The following CTNND2 variants were observed in gnomAD, a reference collection of about 807,000 sequenced individuals.
The protein encoded by CTNND2 is catenin delta 2, also known as catenin delta-2.
In CTNND2, 22 loss-of-function variants were observed where a neutral mutation model predicts 144.4. The observed-to-expected ratio is 0.15, with a 90% CI of 0.11 to 0.22. The LOEUF (loss-of-function observed/expected upper bound fraction) is 0.22. Among genes scored for constraint, CTNND2 ranks in the 10% least tolerant of loss-of-function variants. The pLI, the probability that CTNND2 is intolerant of heterozygous loss-of-function variation, is 1.00. For missense variants in CTNND2, 1,353 were observed against 1,618.8 expected, an observed-to-expected ratio of 0.84 and a Z score of 2.82; for synonymous variants, 751 against 695.6, an observed-to-expected ratio of 1.08 and a Z score of -1.25.
intron 17 of CTNND2, among the ~76,000 whole-genome samples, chr5:11,020,163 C>T (rs1196110432): frequency 1.3e-5 from 2 of 152,054 alleles, no homozygotes; most frequent in African/African-American, 2.4e-5. Context: ...GTGAGTTGTG[C>T]AGTTCTGATA....
intron 3 of CTNND2, among the ~76,000 whole-genome samples, chr5:11,554,176 T>C (rs1776016561): frequency 1.3e-5 from 2 of 152,186 alleles, no homozygotes; most frequent in African/African-American, 2.4e-5. Flanking sequence ...TGAAGGTAAT[T>C]ATACTAATGA....
chr5:11,244,089 T>C (rs909138655), intron 9 of CTNND2, among the ~76,000 whole-genome samples: 1 of 152,154 alleles, frequency 6.6e-6, no homozygotes, highest in South Asian at 2.1e-4. Context: ...TTTGGGCTTA[T>C]TGATGTAGTT....
At chr5:11,342,695 T>C (rs1312142241) in intron 9 of CTNND2, among the ~76,000 whole-genome samples, 1 of 152,234 alleles carries the variant, frequency 6.6e-6, no homozygotes, top group Non-Finnish European at 1.5e-5. Context: ...AAGACAGTTA[T>C]AATACCCTTA....
intron 2 of CTNND2, among the ~76,000 whole-genome samples, chr5:11,628,617 G>C (rs921963073): frequency 6.6e-6 from 1 of 152,112 alleles, no homozygotes; most frequent in African/African-American, 2.4e-5. Context: ...AAGCCGTCTG[G>C]GAGTTACTTG....
At chr5:11,652,857 G>A (rs1782713790) in intron 2 of CTNND2, among the ~76,000 whole-genome samples, 1 of 152,000 alleles carries the variant, frequency 6.6e-6, no homozygotes, top group Non-Finnish European at 1.5e-5. Context: ...TTTACTCTTT[G>A]ACCTATATCT....
intron 1 of CTNND2, among the ~76,000 whole-genome samples, chr5:11,841,216 A>G (rs1195080714): frequency 1.3e-5 from 2 of 152,208 alleles, no homozygotes; most frequent in Non-Finnish European, 2.9e-5. Context: ...AATCCATTTT[A>G]GAGACACTTT....
chr5:11,094,525 G>T (rs1751136544), intron 15 of CTNND2, among the ~76,000 whole-genome samples: 1 of 149,286 alleles, frequency 6.7e-6, no homozygotes, highest in South Asian at 2.1e-4. Flanking sequence ...CTGTCACCAG[G>T]CTGGAGTGCA....
intron 10 of CTNND2, among the ~76,000 whole-genome samples, chr5:11,207,204 G>A (rs1400466139): frequency 2.0e-5 from 3 of 152,048 alleles, no homozygotes; most frequent in Non-Finnish European, 4.4e-5. Flanking sequence ...CATCGACACA[G>A]GGAGGGGAAC....
chr5:11,308,224 C>CTT (rs57613248), intron 9 of CTNND2, among the ~76,000 whole-genome samples: 2,221 of 145,718 alleles, frequency 0.015, 60 homozygotes, highest in African/African-American at 0.052. Context: ...ATTATAATTA[C>CTT]TTTTTTTTTT....
intron 9 of CTNND2, among the ~76,000 whole-genome samples, chr5:11,327,980 A>G (rs941344759): frequency 6.6e-6 from 1 of 152,208 alleles, no homozygotes; most frequent in Non-Finnish European, 1.5e-5. Context: ...GAAAAATTCA[A>G]GATGTGGTAG....
At chr5:11,047,528 C>A (rs988015407) in intron 16 of CTNND2, among the ~76,000 whole-genome samples, 8 of 152,150 alleles carry the variant, frequency 5.3e-5, no homozygotes, top group Non-Finnish European at 1.0e-4. Flanking sequence ...TGTCTACATA[C>A]ACACAGATGC....
intron 12 of CTNND2, among the ~76,000 whole-genome samples, chr5:11,151,901 G>T (rs1163116902): frequency 6.6e-6 from 1 of 152,090 alleles, no homozygotes; most frequent in Non-Finnish European, 1.5e-5. Context: ...AAGAACTTTG[G>T]ACAATGATAC....
rs551928537 is a variant in CTNND2 at position 11,277,142 on chromosome 5, C to CT, written c.1629-40320dup. On this transcript the variant is annotated intron_variant, in intron 9 of 21. Coordinates refer to ENST00000304623, the MANE Select transcript of CTNND2 (RefSeq NM_001332.4). ...CAGCTTGAAAATCATTCCCCCTTGCCTTTTTTTTTCTTTCCTAGAGCAGTG... is the reference window on the plus strand; with the variant it reads ...CAGCTTGAAAATCATTCCCCCTTGCCTTTTTTTTTTCTTTCCTAGAGCAGTG... 8.6e-5 allele frequency among the ~76,000 whole-genome samples: 13 copies of CT among 151,560 alleles called. No individual in the cohort carries two copies. In the East Asian group the frequency reaches 2.5e-3, roughly 29 times the overall value.
At chr5:11,198,061 T>C (rs2149825376) in intron 11 of CTNND2, among the ~76,000 whole-genome samples, 1 of 152,344 alleles carries the variant, frequency 6.6e-6, no homozygotes, top group Middle Eastern at 3.4e-3. Context: ...CACTGAGCTC[T>C]TTCTTTTGCA....
chr5:11,082,899 G>T, intron 15 of CTNND2, 53 bp from the exon 16 acceptor site: 2 of 1,596,046 alleles, frequency 1.3e-6, no homozygotes, highest in Non-Finnish European at 1.7e-6. Context: ...AACCCTGCAT[G>T]CAAATAGTAC....
chr5:11,849,518 A>C (rs534572109), intron 1 of CTNND2, among the ~76,000 whole-genome samples: 1 of 152,190 alleles, frequency 6.6e-6, no homozygotes, highest in South Asian at 2.1e-4. Flanking sequence ...TTGCAAAGGG[A>C]GTCCCAACTA....
chr5:11,737,734 T>C (rs1374234303), intron 1 of CTNND2, among the ~76,000 whole-genome samples: 1 of 152,056 alleles, frequency 6.6e-6, no homozygotes, highest in Non-Finnish European at 1.5e-5. Context: ...TTAAATGGGG[T>C]CACAGAGTGG....
intron 1 of CTNND2, among the ~76,000 whole-genome samples, chr5:11,771,803 C>T (rs1179535771): frequency 6.6e-6 from 1 of 152,054 alleles, no homozygotes; most frequent in East Asian, 1.9e-4. Flanking sequence ...CCTTTGCTTG[C>T]TTGTTCACTT....
chr5:11,411,603 C>T lies in CTNND2; in HGVS notation c.372G>A (p.Val124=), dbSNP rs1581138098. The change falls in exon 5 of 22, where the codon GTG becomes GTA. Residue 124 remains valine, a synonymous_variant. Coordinates refer to ENST00000304623, the MANE Select transcript of CTNND2 (RefSeq NM_001332.4). The stretch of plus-strand genomic sequence containing the variant: ...CCTGTAGTGACCTAATACAGGAGTC[C>T]ACCAGCTCGAGACCTGTTGTAAGCT... ...EDELTTGLEL[V]DSCIRSLQES... 6 of 1,612,986 alleles carry T rather than the reference C, an allele frequency of 3.7e-6. No homozygotes were observed. Among genetic ancestry groups the T allele is most frequent in the Non-Finnish European group, 5.1e-6 (6 of 1,179,284 alleles).
Sources: gnomAD v4.1 joint callset for allele counts (sites outside exome capture counted in the v4.1 genomes callset) on GRCh38, gnomAD v4.1.1 for gene constraint, MANE v1.5 for transcripts, NCBI Gene and HGNC (gene_info 2026-07-23, HGNC 2026-07-21) for gene names.